THSD7A: variants seen among roughly 807,000 people sequenced by gnomAD.
THSD7A encodes the protein thrombospondin type 1 domain containing 7A, also known as thrombospondin type-1 domain-containing protein 7A.
In THSD7A, 96 loss-of-function variants were observed where a neutral mutation model predicts 231.3. The observed-to-expected ratio is 0.41, with a 90% confidence interval of 0.35 to 0.49. The LOEUF is 0.49. Among genes scored for constraint, THSD7A ranks in the 20% least tolerant of loss-of-function variants. The pLI is 0.05. For synonymous variants in THSD7A, 940 were observed against 743.3 expected (o/e 1.26, Z -4.30); for missense variants, 2,290 against 2,070.2 (o/e 1.11, Z -2.06).
At position 11,512,957 on chromosome 7, in the gene THSD7A, A is replaced by ATATATATATATATATATATATG. The variant is rs962525158; in HGVS notation, c.1822+28461_1822+28462insCATATATATATATATATATATA. Among the ~76,000 whole-genome samples the ATATATATATATATATATATATG allele has an allele frequency of 4.2e-4, 61 of 144,608 alleles. 3 individuals carry two copies. The highest frequency in any genetic ancestry group is 1.6e-3 in the African/African-American group (59 of 37,742). 94.9% of individuals were successfully genotyped at this position (144,608 alleles called of 152,430 possible). A position where few individuals can be genotyped will look rare whatever the true frequency, so the allele number is the denominator to read the frequency against. On this transcript the variant is annotated intron_variant, in intron 6 of 27. Transcript: ENST00000423059. ...AAGAAACTATGATATATATATATAT[A>ATATATATATATATATATATATG]TATGTAAAATACTACTCAGCCATAA...
chr7:11,416,135 A>G (rs1038259849), intron 17 of THSD7A, among the ~76,000 whole-genome samples: 1 of 152,176 alleles, frequency 6.6e-6, no homozygotes, highest in African/African-American at 2.4e-5. Context: ...AAACATTCCT[A>G]TTGGCAAACT....
intron 23 of THSD7A, among the ~76,000 whole-genome samples, chr7:11,395,818 G>A (rs956539065): frequency 3.3e-5 from 5 of 152,000 alleles, no homozygotes; most frequent in Non-Finnish European, 7.4e-5. Flanking sequence ...GAGCCACCGT[G>A]CCCGGCCCAG....
At chr7:11,464,324 C>G (rs186759458) in intron 9 of THSD7A, among the ~76,000 whole-genome samples, 1 of 151,908 alleles carries the variant, frequency 6.6e-6, no homozygotes, top group African/African-American at 2.4e-5. Context: ...CAATTACTCT[C>G]CAATCTGCAG....
rs187119657 is a variant in THSD7A, at chr7:11,613,105, T to C, written c.1023-19603A>G. On this transcript the variant is annotated intron_variant, in intron 2 of 27. Coordinates refer to ENST00000423059, the MANE Select transcript of THSD7A (RefSeq NM_015204.3). ...AATCTTTGGTAAAATATTTGAGTGT[T>C]AGAGGTGGGAAATAGATATAATAAA... 5.3e-5 allele frequency among the ~76,000 whole-genome samples: 8 copies of C among 152,328 alleles called. No homozygotes were observed. In the East Asian group the frequency reaches 1.2e-3, roughly 22 times the overall value.
rs958646567 is a variant in THSD7A at position 11,590,110 on chromosome 7, T to G, written c.1453+350A>C. On this transcript the variant is annotated intron_variant, in intron 4 of 27. Coordinates refer to ENST00000423059, the MANE Select transcript of THSD7A (RefSeq NM_015204.3). This position sits in a 1 kb window ranked among gnomAD's most constrained non-coding sequence, Gnocchi z 4.4. ...AGCAGGTTTTACTTCTTATATAATT[T>G]TGGAATTTAGAATATATATTTGCAT... is the stretch of plus-strand genomic sequence containing the variant. Among the ~76,000 whole-genome samples, 1 of 152,218 alleles carries G rather than the reference T, an allele frequency of 6.6e-6. No individual in the cohort carries two copies. The highest frequency in any genetic ancestry group is 2.4e-5 in the African/African-American group (1 of 41,452).
At chr7:11,804,713 C>A (rs570828474) in intron 1 of THSD7A, among the ~76,000 whole-genome samples, 1 of 152,242 alleles carries the variant, frequency 6.6e-6, no homozygotes, top group African/African-American at 2.4e-5. Context: ...GAAATGTAAA[C>A]CAGGCTTATG....
chr7:11,465,862 A>G (rs1308683946), intron 9 of THSD7A, among the ~76,000 whole-genome samples: 5 of 152,170 alleles, frequency 3.3e-5, no homozygotes, highest in Non-Finnish European at 5.9e-5. Context: ...TAGAGGTACA[A>G]ATAATTTATG....
rs748892385 is a variant in THSD7A at position 11,636,149 on chromosome 7, C to A, written c.1003G>T (p.Gly335Trp). Reference protein sequence around the residue: ...TREVMCINKTGKAADLSFCQQ... With the variant: ...TREVMCINKTWKAADLSFCQQ... ...TGTTACCTTAAATCAGCAGCTTTCCCCGTCTTGTTAATGCACATAACCTCT... is the reference window on the plus strand; with the variant it reads ...TGTTACCTTAAATCAGCAGCTTTCCACGTCTTGTTAATGCACATAACCTCT... The change falls in exon 2 of 28, where the codon GGG (glycine) becomes TGG (tryptophan). Residue 335 changes from glycine (G) to tryptophan (W), a missense_variant. Coordinates refer to ENST00000423059, the MANE Select transcript of THSD7A (RefSeq NM_015204.3). The surrounding 1 kb of genome is among the most constrained non-coding windows in gnomAD (Gnocchi z 10.0). 2.5e-6 allele frequency: 4 copies of A among 1,611,264 alleles called. No individual in the cohort carries two copies. Among genetic ancestry groups the A allele is most frequent in the Non-Finnish European group, 3.4e-6 (4 of 1,178,670 alleles).
At chr7:11,778,198 C>CTAGAAACAT (rs1453310730) in intron 1 of THSD7A, among the ~76,000 whole-genome samples, 1 of 141,460 alleles carries the variant, frequency 7.1e-6, no homozygotes, top group East Asian at 2.2e-4. Flanking sequence ...TTCCTATGTA[C>CTAGAAACAT]TAGAAACATG....
chr7:11,647,453 T>C (rs892571965), intron 1 of THSD7A, among the ~76,000 whole-genome samples: 1 of 152,036 alleles, frequency 6.6e-6, no homozygotes. Context: ...AATCATGCAA[T>C]CTGTTATTTT....
At chr7:11,559,209 G>A (rs1789975724) in intron 4 of THSD7A, among the ~76,000 whole-genome samples, 1 of 152,136 alleles carries the variant, frequency 6.6e-6, no homozygotes, top group Non-Finnish European at 1.5e-5. Flanking sequence ...AGAGCCTCCA[G>A]AAAGAAATGG....
At chr7:11,507,360 AAG>A (rs1787588870) in intron 6 of THSD7A, among the ~76,000 whole-genome samples, 3 of 152,284 alleles carry the variant, frequency 2.0e-5, no homozygotes, top group Admixed American at 2.0e-4. Context: ...ACTCAAAAGA[AAG>A]TGCTTTAGTG....
At chr7:11,738,314 G>A (rs143853596) in intron 1 of THSD7A, among the ~76,000 whole-genome samples, 195 of 151,976 alleles carry the variant, frequency 1.3e-3, no homozygotes, top group South Asian at 9.1e-3. Context: ...TTCTTCAAGC[G>A]TTTCAGATTT....
At chr7:11,556,514 A>G (rs1359672846) in intron 4 of THSD7A, among the ~76,000 whole-genome samples, 1 of 151,590 alleles carries the variant, frequency 6.6e-6, no homozygotes, top group Non-Finnish European at 1.5e-5. Flanking sequence ...AATTTAGAAA[A>G]CTCAAGTGAA....
rs75364565 is a variant in THSD7A, at chr7:11,499,104, A to T, written c.1823-17122T>A. Among the ~76,000 whole-genome samples, 937 of 152,282 alleles carry T rather than the reference A, an allele frequency of 6.2e-3. 5 individuals are homozygous for T. Among genetic ancestry groups the T allele is most frequent in the Middle Eastern group, 0.045 (13 of 292 alleles). ...CTTGCCATCCTCAGACTAATGAAGGAGCAAAGACCCTAAGGGCCTTATCCA... is the reference window on the plus strand; with the variant it reads ...CTTGCCATCCTCAGACTAATGAAGGTGCAAAGACCCTAAGGGCCTTATCCA... On this transcript the variant is annotated intron_variant, in intron 6 of 27. Transcript: ENST00000423059.
chr7:11,684,922 C>T (rs1447582004), intron 1 of THSD7A, among the ~76,000 whole-genome samples: 1 of 151,838 alleles, frequency 6.6e-6, no homozygotes, highest in Non-Finnish European at 1.5e-5. Context: ...CAAAGCAATC[C>T]TAAAGAAAAT....
At chr7:11,455,830 A>G (rs1315124863) in intron 11 of THSD7A, among the ~76,000 whole-genome samples, 3 of 152,018 alleles carry the variant, frequency 2.0e-5, no homozygotes, top group African/African-American at 4.8e-5. Flanking sequence ...ACAGTTTACA[A>G]TTTTTAAAGA....
chr7:11,737,397 A>T (rs898759622), intron 1 of THSD7A, among the ~76,000 whole-genome samples: 37 of 152,126 alleles, frequency 2.4e-4, no homozygotes, highest in African/African-American at 8.4e-4. Context: ...GTGAAAGGTC[A>T]CCAGGCAGAA....
At chr7:11,754,404 G>C (rs1267023752) in intron 1 of THSD7A, among the ~76,000 whole-genome samples, 1 of 151,986 alleles carries the variant, frequency 6.6e-6, no homozygotes, top group East Asian at 1.9e-4. Flanking sequence ...ATGGGACTTA[G>C]TAATTGGTAG....
Sources: allele counts gnomAD v4.1 joint callset (sites outside exome capture counted in the v4.1 genomes callset), GRCh38; gene constraint gnomAD v4.1.1; non-coding constraint Gnocchi (gnomAD v3.1); transcripts MANE v1.5; gene names NCBI Gene and HGNC (gene_info 2026-07-23, HGNC 2026-07-21).